Variants in FGGY observed in about 807,000 individuals in gnomAD.
FGGY encodes the protein FGGY carbohydrate kinase domain containing, also known as FGGY carbohydrate kinase domain-containing protein.
FGGY carries 72 observed loss-of-function variants against 71.3 expected under a neutral mutation model. The observed-to-expected ratio is 1.01, with a 90% CI of 0.84 to 1.23. The LOEUF is 1.23. Ranked by LOEUF, FGGY falls within the 50% of genes most tolerant of loss-of-function variation. The pLI is 0.00. For synonymous variants in FGGY, 251 were observed against 250.3 expected, an observed-to-expected ratio of 1.00 and a Z score of -0.02; for missense variants, 668 against 682.3, an observed-to-expected ratio of 0.98 and a Z score of 0.23.
At chr1:59,672,206 G>T (rs2097385631) in intron 13 of FGGY, among the ~76,000 whole-genome samples, 1 of 152,216 alleles carries the variant, frequency 6.6e-6, no homozygotes, top group Admixed American at 6.5e-5. Flanking sequence ...CTGGATGGTT[G>T]ATGGGAACCT....
At chr1:59,654,477 T>C (rs540879774) in intron 11 of FGGY, among the ~76,000 whole-genome samples, 3 of 152,352 alleles carry the variant, frequency 2.0e-5, no homozygotes, top group Admixed American at 6.5e-5. Context: ...TCTCAGGACT[T>C]GTGAATCCCA....
intron 7 of FGGY, among the ~76,000 whole-genome samples, chr1:59,528,899 G>A (rs2095064815): frequency 6.6e-6 from 1 of 152,166 alleles, no homozygotes; most frequent in African/African-American, 2.4e-5. Flanking sequence ...TTATAGCTCA[G>A]CCAAATGCGT....
chr1:59,585,324 G>A (rs2096266386), intron 8 of FGGY, among the ~76,000 whole-genome samples: 2 of 152,074 alleles, frequency 1.3e-5, no homozygotes, highest in African/African-American at 2.4e-5. Context: ...AAACAGAGAT[G>A]CAGACCAATG....
intron 8 of FGGY, among the ~76,000 whole-genome samples, chr1:59,582,700 C>T (rs2096216204): frequency 1.3e-5 from 2 of 150,106 alleles, no homozygotes; most frequent in African/African-American, 5.0e-5. Flanking sequence ...GGTGCGTATC[C>T]TTCTGTGTTT....
intron 14 of FGGY, among the ~76,000 whole-genome samples, chr1:59,751,030 G>T (rs1025528774): frequency 6.6e-6 from 1 of 152,152 alleles, no homozygotes; most frequent in Non-Finnish European, 1.5e-5. Context: ...TCCAGCCTAG[G>T]GCACTCAAGA....
At chr1:59,427,911 A>T (rs984782031) in intron 5 of FGGY, among the ~76,000 whole-genome samples, 1 of 151,948 alleles carries the variant, frequency 6.6e-6, no homozygotes, top group Non-Finnish European at 1.5e-5. Context: ...GCTTCATATC[A>T]TCTCTTATGT....
intron 7 of FGGY, among the ~76,000 whole-genome samples, chr1:59,519,695 C>T (rs2094769690): frequency 6.6e-6 from 1 of 152,156 alleles, no homozygotes; most frequent in South Asian, 2.1e-4. Context: ...TTACATGTGT[C>T]CTATGTGCCA....
chr1:59,341,092 C>T (rs984940559), intron 3 of FGGY, among the ~76,000 whole-genome samples: 5 of 152,172 alleles, frequency 3.3e-5, no homozygotes, highest in African/African-American at 1.2e-4. Context: ...TACATTGATA[C>T]ACAGTGGAAT....
intron 6 of FGGY, among the ~76,000 whole-genome samples, chr1:59,474,614 C>T (rs1040098695): frequency 1.3e-5 from 2 of 152,220 alleles, no homozygotes; most frequent in Admixed American, 1.3e-4. Flanking sequence ...AAGGAGGGAA[C>T]GATTTACATA....
chr1:59,408,855 A>C (rs557013870), intron 5 of FGGY, among the ~76,000 whole-genome samples: 9 of 152,266 alleles, frequency 5.9e-5, no homozygotes, highest in African/African-American at 2.2e-4. Flanking sequence ...TTTCTGCTTG[A>C]AAATTAGCCT....
intron 9 of FGGY, among the ~76,000 whole-genome samples, chr1:59,609,086 A>G (rs988662581): frequency 6.6e-6 from 1 of 152,198 alleles, no homozygotes; most frequent in Non-Finnish European, 1.5e-5. Flanking sequence ...AATAAGGACA[A>G]ACCAGGTAAA....
intron 7 of FGGY, among the ~76,000 whole-genome samples, chr1:59,545,045 C>T (rs950495468): frequency 2.0e-4 from 31 of 152,178 alleles, no homozygotes; most frequent in Non-Finnish European, 5.9e-5. Context: ...GGCTGGGGCT[C>T]CTTCCTTCTG....
chr1:59,652,031 T>A (rs1419704569), intron 11 of FGGY, among the ~76,000 whole-genome samples: 1 of 150,264 alleles, frequency 6.7e-6, no homozygotes, highest in East Asian at 2.0e-4. Flanking sequence ...TGGCTGGATA[T>A]GAAATTCTGG....
chr1:59,728,154 T>G (rs2097972257), intron 14 of FGGY, among the ~76,000 whole-genome samples: 3 of 152,134 alleles, frequency 2.0e-5, no homozygotes, highest in Non-Finnish European at 4.4e-5. Context: ...TCAGGCATTT[T>G]ATGTGATTTC....
intron 5 of FGGY, among the ~76,000 whole-genome samples, chr1:59,455,798 G>C (rs1170485967): frequency 6.6e-6 from 1 of 152,202 alleles, no homozygotes; most frequent in African/African-American, 2.4e-5. Context: ...CTAGGCTAAA[G>C]TAAGAGTTTG....
chr1:59,584,154 A>C (rs1450304608), intron 8 of FGGY, among the ~76,000 whole-genome samples: 1 of 149,838 alleles, frequency 6.7e-6, no homozygotes, highest in Admixed American at 6.6e-5. Context: ...ATCCTCCCTA[A>C]CTCATTTTAT....
At chr1:59,515,776 C>T (rs1376026323) in intron 7 of FGGY, among the ~76,000 whole-genome samples, 4 of 152,198 alleles carry the variant, frequency 2.6e-5, no homozygotes, top group Non-Finnish European at 4.4e-5. Flanking sequence ...GATTATGAGA[C>T]CTCCCAGCCG....
chr1:59,373,625 C>T (rs2058109132), intron 4 of FGGY, among the ~76,000 whole-genome samples: 1 of 152,152 alleles, frequency 6.6e-6, no homozygotes, highest in Non-Finnish European at 1.5e-5. Flanking sequence ...AAGAACAAAG[C>T]TGGAGGCATC....
chr1:59,453,567 G>A (rs922145629), intron 5 of FGGY, among the ~76,000 whole-genome samples: 5 of 152,098 alleles, frequency 3.3e-5, no homozygotes, highest in Admixed American at 6.5e-5. Flanking sequence ...ACTGATCCAC[G>A]TTGATCCAAG....
Sources: allele counts gnomAD v4.1 joint callset (sites outside exome capture counted in the v4.1 genomes callset), GRCh38; gene constraint gnomAD v4.1.1; transcripts MANE v1.5; gene names NCBI Gene and HGNC (gene_info 2026-07-23, HGNC 2026-07-21).